ASTN2: variants seen among roughly 807,000 people sequenced by gnomAD.
ASTN2 encodes the protein astrotactin 2, also known as astrotactin-2.
In ASTN2, 54 loss-of-function variants were observed where a neutral mutation model predicts 139.8. That is an observed-to-expected ratio of 0.39 (90% confidence interval 0.31 to 0.48). The LOEUF (loss-of-function observed/expected upper bound fraction) is 0.48. ASTN2 is among the 20% of genes least tolerant of loss of function. ASTN2 has a pLI of 0.95. For synonymous variants in ASTN2, 756 were observed against 719.5 expected, an observed-to-expected ratio of 1.05 and a Z score of -0.81; for missense variants, 1,565 against 1,725.1, an observed-to-expected ratio of 0.91 and a Z score of 1.64.
intron 13 of ASTN2, among the ~76,000 whole-genome samples, chr9:116,805,120 G>GTGTT (rs1388337923): frequency 6.0e-5 from 9 of 151,232 alleles, no homozygotes; most frequent in Admixed American, 4.0e-4. Flanking sequence ...GTGTGTGTGT[G>GTGTT]TGTGTGTGTG....
intron 1 of ASTN2, among the ~76,000 whole-genome samples, chr9:117,347,449 C>G (rs1340296603): frequency 6.6e-6 from 1 of 151,830 alleles, no homozygotes; most frequent in African/African-American, 2.4e-5. Flanking sequence ...ACGGCTAAGT[C>G]TCCTCACGTT....
intron 7 of ASTN2, among the ~76,000 whole-genome samples, chr9:117,000,095 A>C (rs1837152214): frequency 6.6e-6 from 1 of 152,190 alleles, no homozygotes; most frequent in Non-Finnish European, 1.5e-5. Flanking sequence ...TGACTGAATA[A>C]ATGATTATAG....
chr9:116,860,613 C>T (rs1052663488), intron 11 of ASTN2, among the ~76,000 whole-genome samples: 2 of 152,168 alleles, frequency 1.3e-5, no homozygotes, highest in Non-Finnish European at 2.9e-5. Context: ...GATTCTTCAA[C>T]GAGAACTCAT....
At chr9:116,534,231 G>A (rs200625627) in intron 19 of ASTN2, among the ~76,000 whole-genome samples, 17 of 151,942 alleles carry the variant, frequency 1.1e-4, no homozygotes, top group African/African-American at 2.2e-4. Flanking sequence ...TTTTTATTGC[G>A]TCTATTAGAT....
At chr9:116,452,928 C>T (rs1449233370) in intron 20 of ASTN2, among the ~76,000 whole-genome samples, 2 of 152,202 alleles carry the variant, frequency 1.3e-5, no homozygotes, top group East Asian at 3.9e-4. Flanking sequence ...ACATCTGACC[C>T]TAAAGCCCTT....
chr9:116,640,961 G>T (rs1477305592), intron 17 of ASTN2, among the ~76,000 whole-genome samples: 1 of 152,150 alleles, frequency 6.6e-6, no homozygotes, highest in Non-Finnish European at 1.5e-5. Flanking sequence ...GTTGTATTTT[G>T]TGGGGAATGG....
rs1837705947 is a variant in ASTN2, at chr9:117,016,650, ATATATAACC to A, written c.1424-8400_1424-8392del. Among the ~76,000 whole-genome samples the A allele has an allele frequency of 1.0e-4, 11 of 109,226 alleles. 1 individual carries two copies. Among genetic ancestry groups the A allele is most frequent in the African/African-American group, 1.5e-4 (4 of 26,472 alleles). 71.7% of individuals were successfully genotyped at this position (109,226 alleles called of 152,430 possible). On this transcript the variant is annotated intron_variant, in intron 6 of 22. Transcript: ENST00000313400. ...TATATATATATATATATATATATAT[ATATATAACC>A]TATATATATGTTACATATATATAGG...
chr9:117,049,604 A>C (rs1008855595), intron 5 of ASTN2, among the ~76,000 whole-genome samples: 2 of 152,224 alleles, frequency 1.3e-5, no homozygotes, highest in Non-Finnish European at 2.9e-5. Context: ...CTTGTAAGGC[A>C]GGGGTTACCC....
At chr9:117,074,730 C>T (rs1828233628) in intron 5 of ASTN2, among the ~76,000 whole-genome samples, 1 of 152,142 alleles carries the variant, frequency 6.6e-6, no homozygotes, top group Admixed American at 6.5e-5. Context: ...GTATACAATA[C>T]CTCTTTCAAT....
chr9:117,399,795 G>T (rs1026052318), intron 1 of ASTN2, among the ~76,000 whole-genome samples: 30 of 152,272 alleles, frequency 2.0e-4, no homozygotes, highest in African/African-American at 7.0e-4. Flanking sequence ...AATTGGTTTA[G>T]ATTAGGAAAT....
intron 1 of ASTN2, 132 bp from the exon 2 acceptor site, chr9:117,291,645 G>T: frequency 1.4e-6 from 1 of 689,804 alleles, no homozygotes; most frequent in Non-Finnish European, 2.4e-6. Context: ...CTCACATCAA[G>T]TCTATGAGAT....
chr9:116,997,941 A>G (rs1218397710), intron 7 of ASTN2, among the ~76,000 whole-genome samples: 1 of 152,208 alleles, frequency 6.6e-6, no homozygotes, highest in Non-Finnish European at 1.5e-5. Flanking sequence ...TCCATCTGCT[A>G]TATATAGATA....
chr9:116,951,548 C>G (rs1835564404), intron 10 of ASTN2, among the ~76,000 whole-genome samples: 1 of 151,896 alleles, frequency 6.6e-6, no homozygotes, highest in Non-Finnish European at 1.5e-5. Flanking sequence ...GAACAAGGTC[C>G]TTCAATAAAC....
intron 4 of ASTN2, among the ~76,000 whole-genome samples, chr9:117,115,739 T>A (rs1829368093): frequency 6.6e-6 from 1 of 151,754 alleles, no homozygotes; most frequent in Admixed American, 6.6e-5. Context: ...TAAGAGACAA[T>A]TGCTGGCCGG....
intron 10 of ASTN2, among the ~76,000 whole-genome samples, chr9:116,890,819 G>A (rs1056568521): frequency 1.3e-4 from 20 of 152,210 alleles, no homozygotes; most frequent in East Asian, 1.9e-4. Flanking sequence ...GGGGTGGAGC[G>A]GGGGTATATG....
intron 3 of ASTN2, among the ~76,000 whole-genome samples, chr9:117,150,992 C>T (rs955535081): frequency 1.3e-5 from 2 of 152,082 alleles, no homozygotes; most frequent in African/African-American, 4.8e-5. Flanking sequence ...TGAGCCACCA[C>T]ACCTAGTCAG....
chr9:117,268,464 C>A (rs1348272705), intron 2 of ASTN2, among the ~76,000 whole-genome samples: 1 of 152,192 alleles, frequency 6.6e-6, no homozygotes, highest in Non-Finnish European at 1.5e-5. Context: ...AGGAGGCTTT[C>A]CTTAATCACT....
rs751791518 is a variant in ASTN2, at chr9:116,651,810, C to T, written c.2807-17G>A. 4 of 1,607,764 alleles carry T rather than the reference C, an allele frequency of 2.5e-6. No homozygotes were observed. The highest frequency in any genetic ancestry group is 3.4e-6 in the Non-Finnish European group (4 of 1,175,104). ...CTGTGGTCTCTGGAGAGGCACAAGA[C>T]AGGAAGAGCGAAAGGTAAACTCAGG... On this transcript the variant is annotated splice_polypyrimidine_tract_variant and intron_variant, in intron 16 of 22. Transcript: ENST00000313400.
intron 6 of ASTN2, among the ~76,000 whole-genome samples, chr9:117,036,024 T>A (rs1838375083): frequency 6.6e-6 from 1 of 152,218 alleles, no homozygotes; most frequent in African/African-American, 2.4e-5. Context: ...TTTGTTGGGC[T>A]ATCACAATGT....
Sources: gnomAD v4.1 joint callset for allele counts (sites outside exome capture counted in the v4.1 genomes callset) on GRCh38, gnomAD v4.1.1 for gene constraint, MANE v1.5 for transcripts, NCBI Gene and HGNC (gene_info 2026-07-23, HGNC 2026-07-21) for gene names.